The following AGBL4 variants were observed in gnomAD, a reference collection of about 807,000 sequenced individuals.
The protein encoded by AGBL4 is cytosolic carboxypeptidase 6.
A neutral mutation model predicts 66.4 loss-of-function variants in AGBL4; 58 were observed. That is an observed-to-expected ratio of 0.87 (90% CI 0.71 to 1.09). The LOEUF is 1.09. AGBL4 is among the 50% of genes least tolerant of loss of function. The pLI is 0.00. For synonymous variants in AGBL4, 234 were observed against 222.9 expected, an observed-to-expected ratio of 1.05 and a Z score of -0.44; for missense variants, 579 against 631.0, an observed-to-expected ratio of 0.92 and a Z score of 0.88.
At chr1:49,235,658 T>C (rs1176320436) in intron 4 of AGBL4, among the ~76,000 whole-genome samples, 3 of 152,158 alleles carry the variant, frequency 2.0e-5, no homozygotes, top group African/African-American at 7.2e-5. Context: ...TTTAAATAAA[T>C]TGGTTCCTAT....
intron 3 of AGBL4, among the ~76,000 whole-genome samples, chr1:49,552,382 T>C (rs1653033121): frequency 1.3e-5 from 2 of 152,200 alleles, no homozygotes; most frequent in South Asian, 4.1e-4. Context: ...CCTGTGGTGT[T>C]TGCCCCCCTG....
rs577146186 is a variant in AGBL4 at position 48,889,272 on chromosome 1, G to A, written c.595-22042C>T. 3.3e-5 allele frequency among the ~76,000 whole-genome samples: 5 copies of A among 152,312 alleles called. No individual in the cohort carries two copies. The South Asian group carries it at 6.2e-4, about 19-fold the overall frequency. On this transcript the variant is annotated intron_variant, in intron 5 of 13. Transcript: ENST00000371839. Reference sequence around the variant, plus strand: ...ACACATTAGCCAGATGGCAGGTTTCGGACGCACGCCTGTGACATTATCTCT... The same window carrying A: ...ACACATTAGCCAGATGGCAGGTTTCAGACGCACGCCTGTGACATTATCTCT...
intron 6 of AGBL4, among the ~76,000 whole-genome samples, chr1:48,832,760 C>T (rs190762081): frequency 6.6e-6 from 1 of 152,226 alleles, no homozygotes; most frequent in East Asian, 1.9e-4. Flanking sequence ...GAGCCTCATT[C>T]AATCTGTTAA....
rs1250553789 is a variant in AGBL4, at chr1:48,533,930, C to T, written c.*243G>A. On this transcript the variant is annotated 3_prime_UTR_variant, in exon 14 of 14. Transcript: ENST00000371839. ...ATCTCTATGTTGTAGAAAATAGCAT[C>T]TGTGCTCACCTGGTTCCGATCTCCT... 1 of 535,084 alleles carries T rather than the reference C, an allele frequency of 1.9e-6. No individual in the cohort carries two copies. The highest frequency in any genetic ancestry group is 3.3e-6 in the Non-Finnish European group (1 of 300,146). 33.1% of individuals were successfully genotyped at this position (535,084 alleles called of 1,614,324 possible).
chr1:48,574,658 G>C (rs542671962), intron 11 of AGBL4, among the ~76,000 whole-genome samples: 2 of 150,652 alleles, frequency 1.3e-5, no homozygotes, highest in East Asian at 3.9e-4. Flanking sequence ...CTCCCTCTAA[G>C]TTCCAACTTG....
At chr1:48,532,772 GT>G (rs1643913421), downstream of AGBL4, 1 of 152,124 alleles carries the variant, frequency 6.6e-6, no homozygotes, top group Non-Finnish European at 1.5e-5. Flanking sequence ...GGTTATATCA[GT>G]TTTGGGGTTT....
chr1:49,922,438 T>C (rs971795754), intron 1 of AGBL4, among the ~76,000 whole-genome samples: 1 of 152,142 alleles, frequency 6.6e-6, no homozygotes, highest in Non-Finnish European at 1.5e-5. Context: ...CAACATCGTA[T>C]TTGAAGTCCT....
intron 6 of AGBL4, among the ~76,000 whole-genome samples, chr1:48,705,298 G>T (rs952363070): frequency 3.3e-5 from 5 of 152,142 alleles, no homozygotes; most frequent in Admixed American, 3.3e-4. Flanking sequence ...GGGTGACAAA[G>T]TCAAACAGCA....
At chr1:48,875,992 C>T (rs1649183883) in intron 5 of AGBL4, among the ~76,000 whole-genome samples, 1 of 152,144 alleles carries the variant, frequency 6.6e-6, no homozygotes, top group South Asian at 2.1e-4. Context: ...GGCAGAAAAG[C>T]AGCATGAATT....
chr1:49,085,597 C>A (rs1025719385), intron 4 of AGBL4, among the ~76,000 whole-genome samples: 12 of 151,722 alleles, frequency 7.9e-5, no homozygotes, highest in Non-Finnish European at 1.8e-4. Flanking sequence ...CTCTGCAGGG[C>A]AATCATCGAG....
At chr1:48,725,309 C>T (rs926276129) in intron 6 of AGBL4, among the ~76,000 whole-genome samples, 1 of 152,194 alleles carries the variant, frequency 6.6e-6, no homozygotes, top group African/African-American at 2.4e-5. Flanking sequence ...CCCAGACCTA[C>T]CGAATCAGGC....
intron 1 of AGBL4, among the ~76,000 whole-genome samples, chr1:49,902,599 T>G (rs547546957): frequency 6.6e-6 from 1 of 151,832 alleles, no homozygotes; most frequent in Non-Finnish European, 1.5e-5. Flanking sequence ...ATACAAAAAT[T>G]AGCTGGGCGT....
intron 6 of AGBL4, among the ~76,000 whole-genome samples, chr1:48,757,271 T>C (rs1001803365): frequency 6.6e-6 from 1 of 152,230 alleles, no homozygotes; most frequent in Non-Finnish European, 1.5e-5. Flanking sequence ...ATTTTTTCTC[T>C]CTGAAAATTT....
At chr1:48,662,890 TATGAG>T in intron 7 of AGBL4, among the ~76,000 whole-genome samples, 1 of 152,270 alleles carries the variant, frequency 6.6e-6, no homozygotes, top group Non-Finnish European at 1.5e-5. Flanking sequence ...CCACAGCACA[TATGAG>T]ATAACTTCGT....
intron 2 of AGBL4, among the ~76,000 whole-genome samples, chr1:49,784,352 C>T (rs1215576176): frequency 6.6e-6 from 1 of 152,026 alleles, no homozygotes; most frequent in Admixed American, 6.6e-5. Context: ...TGATTTTTGA[C>T]ACAGGTGCCA....
intron 3 of AGBL4, among the ~76,000 whole-genome samples, chr1:49,271,306 C>A (rs908112277): frequency 1.3e-5 from 2 of 151,968 alleles, no homozygotes; most frequent in Admixed American, 6.6e-5. Flanking sequence ...GGGTTGTACA[C>A]CATTGCACAT....
chr1:49,258,600 T>C (rs1652780448), intron 3 of AGBL4, among the ~76,000 whole-genome samples: 1 of 151,932 alleles, frequency 6.6e-6, no homozygotes. Flanking sequence ...AAGGGAAGTT[T>C]AGAGAAAAAA....
chr1:49,672,976 G>T (rs1053764727), intron 3 of AGBL4, among the ~76,000 whole-genome samples: 3 of 147,410 alleles, frequency 2.0e-5, no homozygotes, highest in Non-Finnish European at 3.0e-5. Context: ...ATAACCTTTA[G>T]CCCAAAACTA....
chr1:49,672,337 C>A (rs1646493861), intron 3 of AGBL4, among the ~76,000 whole-genome samples: 1 of 149,274 alleles, frequency 6.7e-6, no homozygotes, highest in South Asian at 2.1e-4. Flanking sequence ...CTGGGGTCTA[C>A]TTGAGGGGGG....
Sources: gnomAD v4.1 joint callset for allele counts (sites outside exome capture counted in the v4.1 genomes callset) on GRCh38, gnomAD v4.1.1 for gene constraint, MANE v1.5 for transcripts, NCBI Gene and HGNC (gene_info 2026-07-23, HGNC 2026-07-21) for gene names.